The following GABRG3 variants were observed in gnomAD, a reference collection of about 807,000 sequenced individuals.
The protein encoded by GABRG3 is gamma-aminobutyric acid type A receptor subunit gamma3.
Under a neutral mutation model 48.8 loss-of-function variants are expected in GABRG3, and 25 were observed. That is an observed-to-expected ratio of 0.51 (90% CI 0.37 to 0.72). The LOEUF is 0.72. Ranked by LOEUF, GABRG3 falls within the 30% of genes least tolerant of loss-of-function variation. The pLI is 0.00. For missense variants in GABRG3, 394 were observed against 577.9 expected, an observed-to-expected ratio of 0.68 and a Z score of 3.26; for synonymous variants, 227 against 217.6, an observed-to-expected ratio of 1.04 and a Z score of -0.38.
intron 3 of GABRG3, among the ~76,000 whole-genome samples, chr15:27,058,850 A>G (rs374841401): frequency 6.6e-6 from 1 of 152,154 alleles, no homozygotes; most frequent in Non-Finnish European, 1.5e-5. Flanking sequence ...CTTCTTAACT[A>G]TCTTTGTGTT....
Position 27,187,834 on chromosome 15 carries a change from G to A in GABRG3, c.271-138975G>A, listed in dbSNP as rs182096378. ...GCTGGTGTGCTGCACCCACTAACTC[G>A]TCATCTAGCATTAGGTATATCTCCC... On this transcript the variant is annotated intron_variant, in intron 3 of 9. Transcript: ENST00000615808. Among the ~76,000 whole-genome samples the A allele has an allele frequency of 3.0e-3, 456 of 151,478 alleles. 1 individual carries two copies. The highest frequency in any genetic ancestry group is 5.1e-3 in the Non-Finnish European group (346 of 67,888).
At chr15:27,042,138 C>T (rs191407250) in intron 3 of GABRG3, among the ~76,000 whole-genome samples, 4 of 152,212 alleles carry the variant, frequency 2.6e-5, no homozygotes, top group Admixed American at 2.0e-4. Context: ...TGTGGTCTGG[C>T]TGGATGCAAG....
At chr15:27,332,206 A>G (rs1487446437) in intron 5 of GABRG3, among the ~76,000 whole-genome samples, 1 of 152,202 alleles carries the variant, frequency 6.6e-6, no homozygotes, top group Non-Finnish European at 1.5e-5. Flanking sequence ...GCCAATCCTA[A>G]TACCAATAAG....
In GABRG3 at chr15:27,537,738, G is replaced by A. The variant is rs927966799; in HGVS notation, c.*4857G>A. On this transcript the variant is annotated 3_prime_UTR_variant, in exon 10 of 10. Coordinates refer to ENST00000615808, the MANE Select transcript of GABRG3 (RefSeq NM_033223.5). ...CTTTTAAAATTTCTACTGATTACAA[G>A]CTAGCAATTTCAGGATATCAGCTTG... is the stretch of plus-strand genomic sequence containing the variant. The A allele has an allele frequency of 1.3e-5, 2 of 151,780 alleles. No individual in the cohort carries two copies. Among genetic ancestry groups the A allele is most frequent in the Admixed American group, 6.6e-5 (1 of 15,240 alleles). The allele number at this position is 151,780 out of a possible 1,614,324, so 9.4% of individuals were successfully genotyped here.
intron 2 of GABRG3, among the ~76,000 whole-genome samples, chr15:27,009,926 C>CTTCTTCTTTCTTCA (rs575640204): frequency 6.6e-6 from 1 of 151,974 alleles, no homozygotes; most frequent in Non-Finnish European, 1.5e-5. Context: ...TCTGCTGCTT[C>CTTCTTCTTTCTTCA]TTCTTCTTTC....
rs559298845 is a variant in GABRG3 at position 27,474,879 on chromosome 15, C to T, written c.575-5771C>T. On this transcript the variant is annotated intron_variant, in intron 5 of 9. Coordinates refer to ENST00000615808, the MANE Select transcript of GABRG3 (RefSeq NM_033223.5). ...GGGTGCAGTGGTTCACGCCTGTAAT[C>T]CCTGCACTTTGGGAGGCTGAGGCAG... is the stretch of plus-strand genomic sequence containing the variant. Among the ~76,000 whole-genome samples the T allele has an allele frequency of 3.3e-5, 5 of 152,066 alleles. No homozygotes were observed. In the South Asian group the frequency reaches 1.0e-3, roughly 32 times the overall value.
At chr15:27,235,903 T>A (rs1889945096) in intron 3 of GABRG3, among the ~76,000 whole-genome samples, 1 of 152,146 alleles carries the variant, frequency 6.6e-6, no homozygotes, top group African/African-American at 2.4e-5. Context: ...CTCTAGTGAT[T>A]AAGATGATGA....
At chr15:27,166,635 C>T (rs1385155786) in intron 3 of GABRG3, among the ~76,000 whole-genome samples, 1 of 152,148 alleles carries the variant, frequency 6.6e-6, no homozygotes, top group Admixed American at 6.5e-5. Context: ...ACCAGCCACA[C>T]CTATGATGTT....
At chr15:27,300,797 TA>T (rs1347075502) in intron 3 of GABRG3, among the ~76,000 whole-genome samples, 1 of 146,568 alleles carries the variant, frequency 6.8e-6, no homozygotes, top group Non-Finnish European at 1.5e-5. Flanking sequence ...AAATAAGAAA[TA>T]ACTACAAAAA....
At chr15:27,029,532 A>C (rs1175870519) in intron 3 of GABRG3, among the ~76,000 whole-genome samples, 1 of 151,992 alleles carries the variant, frequency 6.6e-6, no homozygotes, top group Admixed American at 6.6e-5. Flanking sequence ...ACACGCACAC[A>C]TACAGGCGCA....
intron 3 of GABRG3, among the ~76,000 whole-genome samples, chr15:27,242,872 G>A (rs1248420117): frequency 6.6e-6 from 1 of 152,192 alleles, no homozygotes; most frequent in Middle Eastern, 3.2e-3. Context: ...AGAGAGATTG[G>A]CACATAAATA....
intron 3 of GABRG3, among the ~76,000 whole-genome samples, chr15:27,190,123 T>A (rs1234653799): frequency 6.6e-6 from 1 of 152,190 alleles, no homozygotes; most frequent in Non-Finnish European, 1.5e-5. Flanking sequence ...CTGGATTCGG[T>A]TTGCCAGTGT....
At chr15:27,454,180 C>T (rs1889193601) in intron 5 of GABRG3, among the ~76,000 whole-genome samples, 1 of 152,174 alleles carries the variant, frequency 6.6e-6, no homozygotes, top group Non-Finnish European at 1.5e-5. Context: ...TAAGATATGC[C>T]TTTTGGTATG....
At chr15:27,056,102 C>T (rs1470681456) in intron 3 of GABRG3, among the ~76,000 whole-genome samples, 1 of 151,918 alleles carries the variant, frequency 6.6e-6, no homozygotes. Context: ...GTAATCCTAG[C>T]ACTTTGGGAG....
intron 3 of GABRG3, among the ~76,000 whole-genome samples, chr15:27,252,266 C>CT (rs1198648642): frequency 6.6e-6 from 1 of 152,186 alleles, no homozygotes; most frequent in African/African-American, 2.4e-5. Flanking sequence ...CCATGATGCC[C>CT]TGTCCGAGGA....
intron 3 of GABRG3, among the ~76,000 whole-genome samples, chr15:27,224,857 G>T (rs1889562906): frequency 6.6e-6 from 1 of 152,098 alleles, no homozygotes; most frequent in African/African-American, 2.4e-5. Flanking sequence ...CATTCACAAG[G>T]CTAAGCATTT....
chr15:27,405,349 A>G lies in GABRG3; in HGVS notation c.575-75301A>G, dbSNP rs138640003. Among the ~76,000 whole-genome samples, 588 of 152,318 alleles carry G rather than the reference A, an allele frequency of 3.9e-3. 7 individuals carry two copies. The highest frequency in any genetic ancestry group is 0.013 in the African/African-American group (551 of 41,576). The stretch of plus-strand genomic sequence containing the variant: ...TGCTCAGCCTCATTTGTTATTAAAG[A>G]AATAATTATAAATGTACACAAAAAT... On this transcript the variant is annotated intron_variant, in intron 5 of 9. Transcript: ENST00000615808.
intron 3 of GABRG3, among the ~76,000 whole-genome samples, chr15:27,184,962 T>A (rs1044705012): frequency 2.0e-5 from 3 of 152,234 alleles, no homozygotes; most frequent in African/African-American, 7.2e-5. Flanking sequence ...GTTTATTGTT[T>A]GCATTGATTT....
At chr15:27,304,306 T>A (rs1274848191) in intron 3 of GABRG3, among the ~76,000 whole-genome samples, 1 of 151,872 alleles carries the variant, frequency 6.6e-6, no homozygotes, top group Non-Finnish European at 1.5e-5. Flanking sequence ...TATATAAAAA[T>A]CACAAGAAAT....
Sources: allele counts gnomAD v4.1 joint callset (sites outside exome capture counted in the v4.1 genomes callset), GRCh38; gene constraint gnomAD v4.1.1; transcripts MANE v1.5; gene names NCBI Gene and HGNC (gene_info 2026-07-23, HGNC 2026-07-21).